Variants in BLTP1 observed in about 807,000 individuals in gnomAD.
The protein encoded by BLTP1 is bridge-like lipid transfer protein family member 1.
the BLTP1 span, chr4:122,274,789 A>C: frequency 5.1e-6 from 1 of 196,424 alleles, no homozygotes; most frequent in African/African-American, 2.4e-5. Context: ...CAACATGACT[A>C]AATAGAGGAT....
chr4:122,334,464 C>T, the BLTP1 span: 2 of 1,612,402 alleles, frequency 1.2e-6, no homozygotes, highest in Non-Finnish European at 1.7e-6. Context: ...TGCAACATCT[C>T]CTCCTTCTCC....
At chr4:122,348,496 A>G in the BLTP1 span, 1 of 1,319,202 alleles carries the variant, frequency 7.6e-7, no homozygotes, top group Non-Finnish European at 1.0e-6. Context: ...ATAGCAATAA[A>G]AATAGTTTTT....
the BLTP1 span, among the ~76,000 whole-genome samples, chr4:122,217,030 TTTTG>T: frequency 1.8e-4 from 27 of 152,250 alleles, no homozygotes; most frequent in African/African-American, 5.1e-4. Flanking sequence ...TTGTTTCTTA[TTTTG>T]TTTATGTGAT....
the BLTP1 span, chr4:122,292,791 C>A: frequency 5.4e-6 from 1 of 184,642 alleles, no homozygotes; most frequent in Non-Finnish European, 1.0e-5. Context: ...TGAGACACAT[C>A]GAAGTTATTT....
chr4:122,178,112 T>C, the BLTP1 span: 3 of 866,210 alleles, frequency 3.5e-6, no homozygotes, highest in Non-Finnish European at 4.2e-6. Flanking sequence ...TCTTATAGAA[T>C]GCTTGAAAAT....
the BLTP1 span, chr4:122,349,790 A>C: frequency 3.8e-6 from 6 of 1,573,360 alleles, no homozygotes; most frequent in African/African-American, 2.7e-5. This position sits in a 1 kb window ranked among gnomAD's most constrained non-coding sequence, Gnocchi z 4.5. Context: ...GGGGGAAGAA[A>C]ATGTTTCTTG....
the BLTP1 span, chr4:122,219,345 C>G: frequency 6.2e-7 from 1 of 1,612,030 alleles, no homozygotes; most frequent in Non-Finnish European, 8.5e-7. Context: ...TATAGGAAAA[C>G]TACTTTGGGG....
At chr4:122,310,640 C>A in the BLTP1 span, among the ~76,000 whole-genome samples, 1 of 152,144 alleles carries the variant, frequency 6.6e-6, no homozygotes, top group Admixed American at 6.6e-5. Context: ...ATGCTCCTTT[C>A]CTCTGGGTAT....
At chr4:122,262,774 CA>C in the BLTP1 span, 1 of 1,596,926 alleles carries the variant, frequency 6.3e-7, no homozygotes. Flanking sequence ...GGCATTCACC[CA>C]TATCATTCTC....
At chr4:122,253,413 C>G in the BLTP1 span, among the ~76,000 whole-genome samples, 1 of 152,012 alleles carries the variant, frequency 6.6e-6, no homozygotes, top group Non-Finnish European at 1.5e-5. Context: ...CAAGGTAACA[C>G]AGAGAAGGGA....
the BLTP1 span, chr4:122,187,484 T>G: frequency 6.2e-7 from 1 of 1,612,378 alleles, no homozygotes; most frequent in African/African-American, 1.3e-5. Flanking sequence ...AGATCACTTA[T>G]TCCAGTCATA....
At chr4:122,203,231 A>G in the BLTP1 span, among the ~76,000 whole-genome samples, 545 of 152,026 alleles carry the variant, frequency 3.6e-3, 6 homozygotes, top group Non-Finnish European at 3.1e-3. Context: ...CCATTTATTA[A>G]TAAGATAAAA....
chr4:122,344,308 TCAC>T, the BLTP1 span: 1 of 1,467,668 alleles, frequency 6.8e-7, no homozygotes, highest in African/African-American at 1.4e-5. Context: ...TAGATAATTT[TCAC>T]CTAACTAGAC....
At chr4:122,307,858 A>G in the BLTP1 span, 4 of 1,526,590 alleles carry the variant, frequency 2.6e-6, no homozygotes, top group Non-Finnish European at 3.5e-6. Context: ...TTATTAAGCA[A>G]CAGGATTTTG....
the BLTP1 span, among the ~76,000 whole-genome samples, chr4:122,253,793 A>C: frequency 6.6e-6 from 1 of 152,198 alleles, no homozygotes; most frequent in African/African-American, 2.4e-5. Context: ...TTCAAGTACA[A>C]GAAGGTAGAG....
chr4:122,171,145 A>C, the BLTP1 span, among the ~76,000 whole-genome samples: 1 of 152,182 alleles, frequency 6.6e-6, no homozygotes, highest in East Asian at 1.9e-4. Flanking sequence ...TTATATGCCT[A>C]ATCTTTTAAT....
At chr4:122,243,345 A>G in the BLTP1 span, 1 of 902,580 alleles carries the variant, frequency 1.1e-6, no homozygotes, top group Non-Finnish European at 1.3e-6. Flanking sequence ...ACATCAGGTA[A>G]ATATATTAAA....
chr4:122,349,791 A>T, the BLTP1 span: 12 of 1,574,098 alleles, frequency 7.6e-6, no homozygotes, highest in Non-Finnish European at 1.0e-5. The surrounding 1 kb of genome is among the most constrained non-coding windows in gnomAD (Gnocchi z 4.5). Flanking sequence ...GGGGAAGAAA[A>T]TGTTTCTTGT....
At chr4:122,316,581 T>C in the BLTP1 span, 1 of 1,020,102 alleles carries the variant, frequency 9.8e-7, no homozygotes, top group South Asian at 1.3e-5. Flanking sequence ...CCTTATGAAA[T>C]TGAAGGGATT....
Sources: gnomAD v4.1 joint callset for allele counts (sites outside exome capture counted in the v4.1 genomes callset) on GRCh38, gnomAD v4.1.1 for gene constraint, Gnocchi (gnomAD v3.1) non-coding constraint, MANE v1.5 for transcripts, NCBI Gene and HGNC (gene_info 2026-07-23, HGNC 2026-07-21) for gene names.